The following ELMO1 variants were observed in gnomAD, a reference collection of about 807,000 sequenced individuals.
The protein encoded by ELMO1 is engulfment and cell motility protein 1.
ELMO1 carries 26 observed loss-of-function variants against 98.9 expected under a neutral mutation model. The ratio of observed to expected loss-of-function variants is 0.26; its 90% confidence interval spans 0.19 to 0.36. ELMO1 has a LOEUF of 0.36. Ranked by LOEUF, ELMO1 falls within the 10% of genes least tolerant of loss-of-function variation. The pLI is 1.00. For missense variants in ELMO1, 627 were observed against 935.2 expected, an observed-to-expected ratio of 0.67 and a Z score of 4.30; for synonymous variants, 346 against 346.0, an observed-to-expected ratio of 1.00 and a Z score of 0.00.
Position 36,887,656 on chromosome 7 carries a change from T to C in ELMO1, c.1618A>G (p.Ile540Val), listed in dbSNP as rs1170923887. 6.2e-7 allele frequency: 1 copy of C among 1,614,108 alleles called. No individual in the cohort carries two copies. Residue 540 changes from isoleucine (I) to valine (V), a missense_variant, in exon 18 of 22, where the codon ATT becomes GTT. Transcript: ENST00000310758. ...ATCAGCTCTAAGATTTCTGGCTGAA[T>C]CTTCTCCTTTAGTTCCCTGTTAGAG... is the stretch of plus-strand genomic sequence containing the variant. ...SRPILELKEK[I>V]QPEILELIKQ...
chr7:37,371,082 A>C (rs866371933), intron 1 of ELMO1, among the ~76,000 whole-genome samples: 2 of 152,250 alleles, frequency 1.3e-5, no homozygotes, highest in Non-Finnish European at 1.5e-5. Flanking sequence ...AAGAATAAAA[A>C]TGAACTACAT....
At chr7:37,294,290 G>T (rs1485211154) in intron 4 of ELMO1, among the ~76,000 whole-genome samples, 2 of 151,772 alleles carry the variant, frequency 1.3e-5, no homozygotes, top group Admixed American at 6.6e-5. Flanking sequence ...CCGGGAGGCG[G>T]AGGTTGCAGT....
chr7:37,061,647 A>T (rs939976541), intron 15 of ELMO1, among the ~76,000 whole-genome samples: 3 of 152,182 alleles, frequency 2.0e-5, no homozygotes, highest in African/African-American at 7.2e-5. Context: ...AAAAGAATCA[A>T]GTCATTTAGC....
At chr7:37,298,356 G>C (rs1798164955) in intron 4 of ELMO1, among the ~76,000 whole-genome samples, 1 of 147,502 alleles carries the variant, frequency 6.8e-6, no homozygotes, top group Non-Finnish European at 1.5e-5. Context: ...ACATTGTGCA[G>C]GTTAGTTACA....
At chr7:37,288,717 TG>T (rs1168979663) in intron 4 of ELMO1, among the ~76,000 whole-genome samples, 1 of 152,190 alleles carries the variant, frequency 6.6e-6, no homozygotes, top group African/African-American at 2.4e-5. Context: ...ACTGCCTTAG[TG>T]TATAAGTTTT....
At chr7:37,113,391 T>C (rs1168302877) in intron 14 of ELMO1, among the ~76,000 whole-genome samples, 4 of 152,134 alleles carry the variant, frequency 2.6e-5, no homozygotes, top group Non-Finnish European at 2.9e-5. Flanking sequence ...AAGAAAACAG[T>C]GAATATCGAG....
chr7:36,891,436 G>A (rs528582524), intron 17 of ELMO1, among the ~76,000 whole-genome samples: 7 of 152,184 alleles, frequency 4.6e-5, no homozygotes, highest in African/African-American at 1.7e-4. Flanking sequence ...TGCAGGGTAG[G>A]TATCAGCTTT....
At chr7:37,011,950 T>C (rs1793590922) in intron 16 of ELMO1, among the ~76,000 whole-genome samples, 1 of 152,216 alleles carries the variant, frequency 6.6e-6, no homozygotes, top group African/African-American at 2.4e-5. Context: ...AGGAAATTAA[T>C]GGGCTTCTTT....
chr7:37,050,837 C>A (rs1796075215), intron 15 of ELMO1, among the ~76,000 whole-genome samples: 5 of 149,844 alleles, frequency 3.3e-5, no homozygotes, highest in Admixed American at 2.6e-4. Context: ...TTAATCACAA[C>A]CTTATCTGCA....
chr7:37,386,647 A>C (rs1802816082), intron 1 of ELMO1, among the ~76,000 whole-genome samples: 1 of 152,050 alleles, frequency 6.6e-6, no homozygotes, highest in Non-Finnish European at 1.5e-5. Flanking sequence ...GTAAAGATTC[A>C]GGGTCCACAC....
chr7:37,161,813 T>C (rs957894099), intron 13 of ELMO1, among the ~76,000 whole-genome samples: 3 of 148,008 alleles, frequency 2.0e-5, no homozygotes, highest in African/African-American at 7.4e-5. Context: ...AACATTCAAA[T>C]ACACAGGAAA....
At chr7:36,931,472 G>A (rs1390764855) in intron 16 of ELMO1, among the ~76,000 whole-genome samples, 1 of 152,160 alleles carries the variant, frequency 6.6e-6, no homozygotes, top group African/African-American at 2.4e-5. Flanking sequence ...GTGGTGGTGT[G>A]TGCCTGTAAT....
chr7:37,235,383 G>A (rs1029832977), intron 7 of ELMO1, among the ~76,000 whole-genome samples: 2 of 152,172 alleles, frequency 1.3e-5, no homozygotes, highest in African/African-American at 4.8e-5. Context: ...CATACAGCAT[G>A]AGCAGTAAGC....
intron 14 of ELMO1, among the ~76,000 whole-genome samples, chr7:37,123,933 G>T (rs377614146): frequency 4.1e-3 from 628 of 152,208 alleles, no homozygotes; most frequent in East Asian, 9.7e-3. Flanking sequence ...AAAAAACTTA[G>T]CCACCATGAT....
chr7:36,965,299 CT>C (rs536291588), intron 16 of ELMO1, among the ~76,000 whole-genome samples: 121 of 152,298 alleles, frequency 7.9e-4, no homozygotes, highest in African/African-American at 2.8e-3. Context: ...AGCCCAGTGT[CT>C]AGAAGAGGGA....
intron 13 of ELMO1, among the ~76,000 whole-genome samples, chr7:37,209,626 C>T (rs1273878638): frequency 2.6e-5 from 4 of 152,132 alleles, no homozygotes; most frequent in Non-Finnish European, 5.9e-5. Flanking sequence ...TGGGTGATTT[C>T]GCAAAGCCTC....
At chr7:37,195,694 T>A (rs997465231) in intron 13 of ELMO1, among the ~76,000 whole-genome samples, 4 of 152,188 alleles carry the variant, frequency 2.6e-5, no homozygotes, top group Non-Finnish European at 5.9e-5. Context: ...GCTCTTCTCC[T>A]AACAGACCTG....
intron 14 of ELMO1, among the ~76,000 whole-genome samples, chr7:37,104,256 A>G (rs1296975521): frequency 6.6e-6 from 1 of 151,886 alleles, no homozygotes. Flanking sequence ...ACTGTAAAAT[A>G]TATTTGGTGT....
chr7:36,918,888 A>T (rs1784915423), intron 16 of ELMO1, among the ~76,000 whole-genome samples: 2 of 152,190 alleles, frequency 1.3e-5, no homozygotes, highest in South Asian at 4.1e-4. Flanking sequence ...AAGTAGACTC[A>T]CTTTAAGGGG....
Sources: gnomAD v4.1 joint callset for allele counts (sites outside exome capture counted in the v4.1 genomes callset) on GRCh38, gnomAD v4.1.1 for gene constraint, MANE v1.5 for transcripts, NCBI Gene and HGNC (gene_info 2026-07-23, HGNC 2026-07-21) for gene names.